Variants in MKLN1 observed in about 807,000 individuals in gnomAD.
MKLN1 encodes the protein muskelin 1, also known as muskelin.
In MKLN1, 18 loss-of-function variants were observed where a neutral mutation model predicts 99.0. The ratio of observed to expected loss-of-function variants is 0.18; its 90% CI spans 0.13 to 0.27. MKLN1 has a LOEUF of 0.27. Ranked by LOEUF, MKLN1 falls within the 10% of genes least tolerant of loss-of-function variation. MKLN1 has a pLI of 1.00. For missense variants in MKLN1, 621 were observed against 875.9 expected, an observed-to-expected ratio of 0.71 and a Z score of 3.67; for synonymous variants, 288 against 293.2, an observed-to-expected ratio of 0.98 and a Z score of 0.18.
intron 3 of MKLN1, among the ~76,000 whole-genome samples, chr7:131,314,314 G>T (rs1386293244): frequency 5.9e-5 from 9 of 152,194 alleles, no homozygotes; most frequent in Non-Finnish European, 1.5e-5. Context: ...GGGAGTGAGA[G>T]GCAGCTTTTT....
At chr7:131,242,648 TG>T in intron 3 of MKLN1, 1 of 575,172 alleles carries the variant, frequency 1.7e-6, no homozygotes, top group African/African-American at 1.9e-5. Context: ...GATGCTATTC[TG>T]GATGCAAAGC....
intron 16 of MKLN1, among the ~76,000 whole-genome samples, chr7:131,475,966 T>C (rs1484157019): frequency 1.3e-5 from 2 of 152,190 alleles, no homozygotes; most frequent in Non-Finnish European, 1.5e-5. Flanking sequence ...GACTAAGTGG[T>C]GGTTTATTCT....
chr7:131,357,692 C>T (rs752692411), intron 1 of MKLN1, among the ~76,000 whole-genome samples: 9 of 152,068 alleles, frequency 5.9e-5, no homozygotes, highest in Non-Finnish European at 1.3e-4. Context: ...GACTCATGTG[C>T]GCCTTTGACA....
At chr7:131,218,146 G>A (rs1797011330) in intron 3 of MKLN1, among the ~76,000 whole-genome samples, 1 of 152,158 alleles carries the variant, frequency 6.6e-6, no homozygotes, top group Non-Finnish European at 1.5e-5. Context: ...GGTCTGAGTG[G>A]TGCCAGTTGG....
intron 16 of MKLN1, among the ~76,000 whole-genome samples, chr7:131,473,341 C>T (rs941038625): frequency 6.6e-6 from 1 of 151,832 alleles, no homozygotes; most frequent in Admixed American, 6.6e-5. Context: ...ATTTAAGTCT[C>T]AAAACACAAA....
intron 12 of MKLN1, among the ~76,000 whole-genome samples, chr7:131,451,895 T>C (rs1796189993): frequency 6.6e-6 from 1 of 152,246 alleles, no homozygotes; most frequent in Non-Finnish European, 1.5e-5. Context: ...AAACTCAGTC[T>C]ACTATAGTAA....
At chr7:131,211,820 G>C (rs935642164) in intron 3 of MKLN1, among the ~76,000 whole-genome samples, 2 of 152,254 alleles carry the variant, frequency 1.3e-5, no homozygotes, top group Admixed American at 6.5e-5. Flanking sequence ...TACTTTCACT[G>C]TTTATGTATC....
intron 1 of MKLN1, among the ~76,000 whole-genome samples, chr7:131,358,549 G>A (rs916278111): frequency 2.6e-5 from 4 of 152,136 alleles, no homozygotes; most frequent in Non-Finnish European, 5.9e-5. Flanking sequence ...CTCGTAGAAA[G>A]CATTAGGAAG....
chr7:131,216,431 A>G (rs1240756270), intron 3 of MKLN1, among the ~76,000 whole-genome samples: 4 of 151,772 alleles, frequency 2.6e-5, no homozygotes, highest in Non-Finnish European at 1.5e-5. Flanking sequence ...TCAAAAAAAA[A>G]AAAAAAGAAA....
chr7:131,382,296 C>T (rs1339850553), intron 2 of MKLN1, among the ~76,000 whole-genome samples: 1 of 151,666 alleles, frequency 6.6e-6, no homozygotes, highest in Non-Finnish European at 1.5e-5. Flanking sequence ...ACCTGGGAGG[C>T]GGAGGTTGCA....
At chr7:131,122,204 A>T (rs766900219) in intron 1 of MKLN1, among the ~76,000 whole-genome samples, 4 of 152,252 alleles carry the variant, frequency 2.6e-5, no homozygotes, top group Admixed American at 6.5e-5. Flanking sequence ...CATGGCAAGA[A>T]AGGCAGACAT....
chr7:131,181,133 C>G (rs1796372395), intron 2 of MKLN1, among the ~76,000 whole-genome samples: 1 of 152,146 alleles, frequency 6.6e-6, no homozygotes, highest in East Asian at 1.9e-4. Flanking sequence ...GGGAGCAGAG[C>G]ATGGTGTCAC....
chr7:131,274,059 A>G (rs781597960), intron 3 of MKLN1, among the ~76,000 whole-genome samples: 1 of 152,198 alleles, frequency 6.6e-6, no homozygotes, highest in Admixed American at 6.5e-5. Context: ...AAGTAGGAGT[A>G]TAGGGACAAC....
chr7:131,189,509 A>G (rs1216283731), intron 2 of MKLN1, among the ~76,000 whole-genome samples: 1 of 142,894 alleles, frequency 7.0e-6, no homozygotes, highest in Non-Finnish European at 1.5e-5. Flanking sequence ...GAATCCCCCT[A>G]GAAGTTTTTT....
intron 13 of MKLN1, 90 bp downstream of exon 13, chr7:131,463,454 C>A: frequency 7.7e-7 from 1 of 1,306,894 alleles, no homozygotes; most frequent in Non-Finnish European, 1.1e-6. Context: ...GAGAGTATTA[C>A]GTTAATTTGT....
intron 2 of MKLN1, among the ~76,000 whole-genome samples, chr7:131,384,920 G>A (rs1324455593): frequency 1.3e-5 from 2 of 152,172 alleles, no homozygotes; most frequent in Non-Finnish European, 2.9e-5. Context: ...CCATTTTAAA[G>A]TATATAATTC....
chr7:131,351,356 CT>C (rs1440774489), intron 1 of MKLN1, among the ~76,000 whole-genome samples: 2 of 152,198 alleles, frequency 1.3e-5, no homozygotes, highest in Admixed American at 6.5e-5. Flanking sequence ...AGAAGCTCCC[CT>C]ATTCTAGATA....
At chr7:131,333,758 G>A (rs1235233850) in intron 1 of MKLN1, among the ~76,000 whole-genome samples, 7 of 152,018 alleles carry the variant, frequency 4.6e-5, no homozygotes, top group Non-Finnish European at 1.5e-5. Context: ...GGCTGGTCCC[G>A]AACTCCTGAC....
At chr7:131,358,098 A>G (rs1421513906) in intron 1 of MKLN1, among the ~76,000 whole-genome samples, 1 of 152,174 alleles carries the variant, frequency 6.6e-6, no homozygotes, top group Non-Finnish European at 1.5e-5. Context: ...TTTCCAGGAT[A>G]GTATTGAATA....
Sources: allele counts gnomAD v4.1 joint callset (sites outside exome capture counted in the v4.1 genomes callset), GRCh38; gene constraint gnomAD v4.1.1; transcripts MANE v1.5; gene names NCBI Gene and HGNC (gene_info 2026-07-23, HGNC 2026-07-21).